SSBP3: variants seen among roughly 807,000 people sequenced by gnomAD.
The protein encoded by SSBP3 is single-stranded DNA-binding protein 3.
SSBP3 carries 5 observed loss-of-function variants against 69.6 expected under a neutral mutation model. The ratio of observed to expected loss-of-function variants is 0.07; its 90% CI spans 0.04 to 0.15. SSBP3 has a LOEUF of 0.15. Among genes scored for constraint, SSBP3 ranks in the 10% least tolerant of loss-of-function variants. SSBP3 has a pLI of 1.00. For missense variants in SSBP3, 312 were observed against 534.0 expected (o/e 0.58, Z 4.10); for synonymous variants, 196 against 193.4 (o/e 1.01, Z -0.11).
intron 5 of SSBP3, among the ~76,000 whole-genome samples, chr1:54,278,103 C>A (rs550298734): frequency 2.6e-5 from 4 of 152,158 alleles, no homozygotes; most frequent in Non-Finnish European, 4.4e-5. Flanking sequence ...AGCAAGTATG[C>A]GGCCAAGTCC....
chr1:54,344,680 G>C (rs1646660661), intron 4 of SSBP3, among the ~76,000 whole-genome samples: 1 of 152,136 alleles, frequency 6.6e-6, no homozygotes, highest in African/African-American at 2.4e-5. Flanking sequence ...CTGTTTTTGT[G>C]GGTGGGAAGA....
intron 4 of SSBP3, among the ~76,000 whole-genome samples, chr1:54,323,968 G>A (rs1299212074): frequency 2.0e-5 from 3 of 152,128 alleles, no homozygotes; most frequent in African/African-American, 7.2e-5. Context: ...TGCCAGCATC[G>A]CACTAAGTAT....
chr1:54,336,027 G>A (rs780396145), intron 4 of SSBP3: 2 of 152,222 alleles, frequency 1.3e-5, no homozygotes, highest in Admixed American at 1.3e-4. Context: ...GTGTGGCTTC[G>A]ACCGATTACT....
chr1:54,313,238 T>C (rs992135100), intron 4 of SSBP3, among the ~76,000 whole-genome samples: 2 of 151,932 alleles, frequency 1.3e-5, no homozygotes, highest in African/African-American at 4.8e-5. Context: ...CCTGTTGATA[T>C]GTTTGTTCTC....
At position 54,244,078 on chromosome 1, in the gene SSBP3, C is replaced by T. The variant is rs114890202; in HGVS notation, c.652-779G>A. Among the ~76,000 whole-genome samples the T allele has an allele frequency of 7.0e-3, 1,057 of 151,858 alleles. 11 individuals are homozygous for T. The highest frequency in any genetic ancestry group is 0.024 in the African/African-American group (1,013 of 41,438). On this transcript the variant is annotated intron_variant, in intron 9 of 17. Transcript: ENST00000610401. ...TCATGTAGTTGGGACTACAGTCATG[C>T]ACCACCATGCCCAACTAATTTTCGA... is the stretch of plus-strand genomic sequence containing the variant.
chr1:54,360,692 C>G (rs747664347), intron 4 of SSBP3, among the ~76,000 whole-genome samples: 1 of 152,174 alleles, frequency 6.6e-6, no homozygotes, highest in Non-Finnish European at 1.5e-5. Flanking sequence ...GCTTAGGACA[C>G]ATGAACTTGG....
At position 54,240,951 on chromosome 1, in the gene SSBP3, A is replaced by G. The variant is rs35614381; in HGVS notation, c.810T>C (p.Pro270=). 3,038 of 1,610,258 alleles carry G rather than the reference A, an allele frequency of 1.9e-3. 47 individuals carry two copies. The African/African-American group carries it at 0.035, about 18-fold the overall frequency. The change falls in exon 13 of 18, where the codon CCT becomes CCC. Residue 270 remains proline (P), a synonymous_variant. Coordinates refer to ENST00000610401, the Ensembl canonical transcript of SSBP3. ...GTGTTCCTGGAGGACCGCCACCACCAGGGGGTCCCTAAAGATGAGACAAAA... is the reference window on the plus strand; with the variant it reads ...GTGTTCCTGGAGGACCGCCACCACCGGGGGGTCCCTAAAGATGAGACAAAA...
chr1:54,261,160 C>T (rs567782617), intron 5 of SSBP3, among the ~76,000 whole-genome samples: 53 of 152,362 alleles, frequency 3.5e-4, no homozygotes, highest in African/African-American at 1.3e-3. Context: ...ACAGGAGGAA[C>T]CCCACATAGC....
At chr1:54,369,306 C>CGG (rs34473074) in intron 4 of SSBP3, among the ~76,000 whole-genome samples, 1 of 16,910 alleles carries the variant, frequency 5.9e-5, no homozygotes. Flanking sequence ...ATTGGGGGGA[C>CGG]GGGGGTGGGG....
chr1:54,341,868 A>C (rs996309900), intron 4 of SSBP3, among the ~76,000 whole-genome samples: 2 of 151,998 alleles, frequency 1.3e-5, no homozygotes, highest in Non-Finnish European at 2.9e-5. Flanking sequence ...AGAGAGGGGG[A>C]GAGAAGCACC....
chr1:54,361,164 C>G (rs148142213), intron 4 of SSBP3, among the ~76,000 whole-genome samples: 26 of 152,274 alleles, frequency 1.7e-4, no homozygotes, highest in African/African-American at 6.3e-4. Context: ...ATCCCTCACT[C>G]ACAGAGGGAC....
Position 54,257,171 on chromosome 1 carries a change from G to A in SSBP3, c.463C>T (p.Arg155Ter). The change falls in exon 7 of 18, where the codon CGA becomes TGA. Residue 155 changes from arginine (R) to a stop codon, truncating the protein, a stop_gained. Transcript: ENST00000610401. LOFTEE classifies it high-confidence loss of function. ...GGGGGCCTGGGGCCGCCTGCGTATC[G>A]CGGTGACATAAAAGGCTGCAATTAT... 1 of 1,601,898 alleles carries A rather than the reference G, an allele frequency of 6.2e-7. No individual in the cohort carries two copies. The highest frequency in any genetic ancestry group is 8.5e-7 in the Non-Finnish European group (1 of 1,175,392).
intron 7 of SSBP3, 57 bp from the exon 8 acceptor site, chr1:54,251,917 G>T: frequency 6.8e-7 from 1 of 1,478,936 alleles, no homozygotes; most frequent in South Asian, 1.2e-5. Context: ...TGGCCATGGG[G>T]ACAGGCATCT....
At chr1:54,395,856 A>G (rs1648824658) in intron 4 of SSBP3, among the ~76,000 whole-genome samples, 1 of 152,102 alleles carries the variant, frequency 6.6e-6, no homozygotes, top group African/African-American at 2.4e-5. Context: ...TACACAACAC[A>G]GACACAAACA....
chr1:54,243,700 G>A (rs947472164), intron 9 of SSBP3, among the ~76,000 whole-genome samples: 5 of 152,164 alleles, frequency 3.3e-5, no homozygotes, highest in Non-Finnish European at 5.9e-5. Context: ...GCAGGGAGGC[G>A]AGGGGTGAGT....
chr1:54,397,523 G>A (rs1467861999), intron 4 of SSBP3, among the ~76,000 whole-genome samples: 2 of 152,182 alleles, frequency 1.3e-5, no homozygotes, highest in African/African-American at 4.8e-5. Context: ...GGAGTCAGCA[G>A]TCTTGTTGGG....
intron 4 of SSBP3, among the ~76,000 whole-genome samples, chr1:54,384,155 G>A (rs1647901780): frequency 6.6e-6 from 1 of 150,844 alleles, no homozygotes; most frequent in African/African-American, 2.4e-5. Flanking sequence ...ACAGTCACGG[G>A]GCTTCTAGCC....
intron 4 of SSBP3, among the ~76,000 whole-genome samples, chr1:54,325,950 T>G (rs1569816237): frequency 6.7e-6 from 1 of 149,566 alleles, no homozygotes; most frequent in African/African-American, 2.5e-5. Context: ...CACAGGCAGC[T>G]CCCCCCCGCC....
chr1:54,390,900 G>A (rs2100765344), intron 4 of SSBP3, among the ~76,000 whole-genome samples: 1 of 152,348 alleles, frequency 6.6e-6, no homozygotes, highest in Middle Eastern at 3.4e-3. Context: ...CCGTCTAAAA[G>A]CCGGCGAGCA....
Sources: allele counts gnomAD v4.1 joint callset (sites outside exome capture counted in the v4.1 genomes callset), GRCh38; gene constraint gnomAD v4.1.1; transcripts MANE v1.5; gene names NCBI Gene and HGNC (gene_info 2026-07-23, HGNC 2026-07-21).